NIN: variants seen among roughly 807,000 people sequenced by gnomAD.
NIN encodes glycogen synthase kinase 3 beta-interacting protein.
Under a neutral mutation model 257.6 loss-of-function variants are expected in NIN, and 137 were observed. The observed-to-expected ratio is 0.53, with a 90% CI of 0.46 to 0.61. NIN has a LOEUF of 0.61. Among genes scored for constraint, NIN ranks in the 20% least tolerant of loss-of-function variants. The pLI is 0.00. For missense variants in NIN, 2,439 were observed against 2,501.2 expected (o/e 0.98, Z 0.53); for synonymous variants, 918 against 919.8 (o/e 1.00, Z 0.04).
rs1008373892 is a variant in NIN, at chr14:50,745,385, C to CT, written c.5065-1021dup. Among the ~76,000 whole-genome samples, 22 of 152,270 alleles carry CT rather than the reference C, an allele frequency of 1.4e-4. No individual in the cohort carries two copies. In the South Asian group the frequency reaches 1.9e-3, roughly 13 times the overall value. On this transcript the variant is annotated intron_variant, in intron 22 of 30. Coordinates refer to ENST00000530997, the MANE Select transcript of NIN (RefSeq NM_020921.4). ...CCCTTCACCCTATTGAAAACCCATG[C>CT]TTTAAAGAGGCTGTTTCTTACACTT...
intron 5 of NIN, among the ~76,000 whole-genome samples, 183 bp from the exon 6 acceptor site, chr14:50,778,987 G>A (rs1435465807): frequency 6.6e-6 from 1 of 152,154 alleles, no homozygotes; most frequent in African/African-American, 2.4e-5. Context: ...CAATCAGGAC[G>A]AGACTCCTAA....
At position 50,720,591 on chromosome 14, in the gene NIN, G is replaced by A. The variant is rs554216680; in HGVS notation, c.*2872C>T. 2 of 206,720 alleles carry A rather than the reference G, an allele frequency of 9.7e-6. No homozygotes were observed. Among genetic ancestry groups the A allele is most frequent in the South Asian group, 1.9e-4 (1 of 5,304 alleles). 12.8% of individuals were successfully genotyped at this position (206,720 alleles called of 1,614,324 possible). A position where few individuals can be genotyped will look rare whatever the true frequency, so the allele number is the denominator to read the frequency against. On this transcript the variant is annotated 3_prime_UTR_variant, in exon 31 of 31. Transcript: ENST00000530997. ...ATATGCCGAAGGCTAAATATGCAATGCATTGAAATTTCTGGGAAGAATTCA... is the reference window on the plus strand; with the variant it reads ...ATATGCCGAAGGCTAAATATGCAATACATTGAAATTTCTGGGAAGAATTCA...
In NIN at chr14:50,766,790, A is replaced by G; in HGVS notation, c.1535T>C (p.Leu512Ser). Reference protein sequence around the residue: ...NKLQRNLENVLAEKFGDLDPS... With the variant: ...NKLQRNLENVSAEKFGDLDPS... ...TTTGAACAGGTTTACCTTTTCTGCT[A>G]ACACATTTTCCAAATTTCTCTGAAG... Residue 512 changes from leucine (L) to serine (S), a missense_variant, in exon 13 of 31, where the codon TTA becomes TCA. Leu to Ser is a moderately radical substitution (Grantham distance 145, BLOSUM62 -2). Transcript: ENST00000530997. 1.9e-6 allele frequency: 3 copies of G among 1,609,776 alleles called. No homozygotes were observed. Among genetic ancestry groups the G allele is most frequent in the Non-Finnish European group, 2.6e-6 (3 of 1,176,076 alleles).
At chr14:50,785,841 A>G (rs140984848) in intron 5 of NIN, among the ~76,000 whole-genome samples, 431 of 152,248 alleles carry the variant, frequency 2.8e-3, no homozygotes, top group Non-Finnish European at 4.8e-3. Context: ...TTCATTTTCC[A>G]CTATGCCACC....
intron 25 of NIN, among the ~76,000 whole-genome samples, chr14:50,740,082 G>C (rs1161024417): frequency 7.0e-6 from 1 of 142,978 alleles, no homozygotes; most frequent in African/African-American, 2.6e-5. Flanking sequence ...AAATTAAAAA[G>C]ATAACACAAA....
chr14:50,797,942 A>G (rs1449060896), intron 4 of NIN, among the ~76,000 whole-genome samples: 2 of 149,968 alleles, frequency 1.3e-5, no homozygotes, highest in Non-Finnish European at 3.0e-5. Context: ...ACTGAGGAGG[A>G]GGAGGGGAGA....
chr14:50,772,613 C>T (rs1269888794), intron 8 of NIN, 145 bp from the exon 9 acceptor site: 4 of 712,638 alleles, frequency 5.6e-6, no homozygotes, highest in Non-Finnish European at 7.0e-6. Flanking sequence ...TCTCTGATCT[C>T]TGTTCCCAAC....
intron 29 of NIN, 55 bp downstream of exon 29, chr14:50,729,468 C>T: frequency 6.5e-7 from 1 of 1,531,602 alleles, no homozygotes; most frequent in Non-Finnish European, 8.9e-7. Context: ...GTATAACTTT[C>T]AAATAAACAG....
chr14:50,766,245 G>A (rs558899580), intron 14 of NIN, 62 bp downstream of exon 14: 38 of 1,259,688 alleles, frequency 3.0e-5, no homozygotes, highest in Admixed American at 2.4e-4. Context: ...GCTAGGGAAC[G>A]GGGAAGCTGG....
intron 3 of NIN, among the ~76,000 whole-genome samples, chr14:50,812,608 T>A (rs1392564601): frequency 1.3e-5 from 2 of 152,326 alleles, no homozygotes; most frequent in East Asian, 1.9e-4. Flanking sequence ...GAAGCTGGTA[T>A]GTGCCTGAGA....
At chr14:50,800,973 G>A (rs533399015) in intron 4 of NIN, among the ~76,000 whole-genome samples, 18 of 151,572 alleles carry the variant, frequency 1.2e-4, no homozygotes, top group South Asian at 2.1e-4. Context: ...TAGTAGAGAC[G>A]GGCTTTCACC....
intron 3 of NIN, among the ~76,000 whole-genome samples, chr14:50,809,992 G>A (rs1479271839): frequency 1.3e-5 from 2 of 152,104 alleles, no homozygotes; most frequent in African/African-American, 4.8e-5. Context: ...AGCACTTTGG[G>A]AGGCCAAGGC....
chr14:50,800,804 C>T (rs752312501), intron 4 of NIN, among the ~76,000 whole-genome samples: 69 of 146,288 alleles, frequency 4.7e-4, no homozygotes, highest in Non-Finnish European at 8.6e-4. Flanking sequence ...TTTTTTGAGA[C>T]GGAGTTTCGC....
intron 20 of NIN, among the ~76,000 whole-genome samples, 179 bp from the exon 21 acceptor site, chr14:50,752,912 G>C (rs534473679): frequency 1.3e-5 from 2 of 152,088 alleles, no homozygotes; most frequent in Admixed American, 6.5e-5. Flanking sequence ...ATTCACAAGT[G>C]TATGAAGAAG....
intron 24 of NIN, among the ~76,000 whole-genome samples, chr14:50,743,196 C>T (rs2041372324): frequency 6.6e-6 from 1 of 151,856 alleles, no homozygotes; most frequent in Non-Finnish European, 1.5e-5. Flanking sequence ...TCTCGAACTC[C>T]TGACCTCAAG....
intron 11 of NIN, 86 bp from the exon 12 acceptor site, chr14:50,770,648 C>T: frequency 6.7e-7 from 1 of 1,496,848 alleles, no homozygotes; most frequent in East Asian, 2.3e-5. Flanking sequence ...CACAGAGGCA[C>T]AGAGATGAAA....
intron 6 of NIN, among the ~76,000 whole-genome samples, chr14:50,778,001 CA>C (rs1327392378): frequency 6.6e-6 from 1 of 152,152 alleles, no homozygotes; most frequent in Non-Finnish European, 1.5e-5. Context: ...ACCTAGAGAA[CA>C]GGTTGTAATT....
At chr14:50,745,992 G>T (rs944406685) in intron 22 of NIN, among the ~76,000 whole-genome samples, 1 of 150,570 alleles carries the variant, frequency 6.6e-6, no homozygotes, top group African/African-American at 2.5e-5. Flanking sequence ...GGCAGACCAG[G>T]CTCACAATTT....
chr14:50,737,295 C>A (rs552122019), intron 27 of NIN, among the ~76,000 whole-genome samples: 1 of 152,148 alleles, frequency 6.6e-6, no homozygotes, highest in Admixed American at 6.5e-5. Flanking sequence ...CAAGGAACAG[C>A]AGCCTCTTGC....
Sources: gnomAD v4.1 joint callset for allele counts (sites outside exome capture counted in the v4.1 genomes callset) on GRCh38, gnomAD v4.1.1 for gene constraint, MANE v1.5 for transcripts, NCBI Gene and HGNC (gene_info 2026-07-23, HGNC 2026-07-21) for gene names.